NADK: variants seen among roughly 807,000 people sequenced by gnomAD.
NADK encodes the protein poly(P)/ATP NAD kinase.
NADK carries 22 observed loss-of-function variants against 49.8 expected under a neutral mutation model. The ratio of observed to expected loss-of-function variants is 0.44; its 90% CI spans 0.32 to 0.63. The LOEUF is 0.63. Ranked by LOEUF, NADK falls within the 30% of genes least tolerant of loss-of-function variation. The pLI, the probability that NADK is intolerant of heterozygous loss-of-function variation, is 0.06. For synonymous variants in NADK, 268 were observed against 253.7 expected (o/e 1.06, Z -0.54); for missense variants, 438 against 609.4 (o/e 0.72, Z 2.96).
At chr1:1,753,116 C>A in intron 11 of NADK, 56 bp from the exon 12 acceptor site, 1 of 1,554,516 alleles carries the variant, frequency 6.4e-7, no homozygotes, top group South Asian at 1.2e-5. Flanking sequence ...CCACCCCCGG[C>A]CAAGAACCCT....
intron 2 of NADK, among the ~76,000 whole-genome samples, chr1:1,764,907 A>C (rs1320077099): frequency 2.0e-5 from 3 of 152,220 alleles, no homozygotes; most frequent in Non-Finnish European, 4.4e-5. Flanking sequence ...TCTCAAAAAA[A>C]AGTTTCCTCT....
chr1:1,756,410 A>C (rs1645524136), intron 5 of NADK, 67 bp from the exon 6 acceptor site: 18 of 1,608,624 alleles, frequency 1.1e-5, no homozygotes, highest in Non-Finnish European at 8.5e-7. Context: ...CGCAGTGCGC[A>C]GACACCAATG....
chr1:1,755,202 C>T (rs1645474652), intron 7 of NADK, among the ~76,000 whole-genome samples, 172 bp downstream of exon 7: 1 of 152,228 alleles, frequency 6.6e-6, no homozygotes, highest in African/African-American at 2.4e-5. Context: ...TCTGCTGAAA[C>T]TTCTCAGTGT....
chr1:1,775,502 T>C (rs1278944220), intron 1 of NADK, among the ~76,000 whole-genome samples: 1 of 152,158 alleles, frequency 6.6e-6, no homozygotes, highest in African/African-American at 2.4e-5. Context: ...TGAGAAAGAC[T>C]TTCTGGAAAG....
At position 1,752,727 on chromosome 1, in the gene NADK, A is replaced by C; in HGVS notation, c.*177T>G. The C allele has an allele frequency of 1.4e-6, 1 of 708,464 alleles. No individual in the cohort carries two copies. The highest frequency in any genetic ancestry group is 2.2e-6 in the Non-Finnish European group (1 of 446,250). 43.9% of individuals were successfully genotyped at this position (708,464 alleles called of 1,614,324 possible). ...CTTCTTTAGAAATGCAAAAAAAGTC[A>C]GACATTTTAAAAAAACAGCTGATCT... On this transcript the variant is annotated 3_prime_UTR_variant, in exon 12 of 12. Transcript: ENST00000341426.
chr1:1,768,120 G>A (rs1032188831), intron 1 of NADK, among the ~76,000 whole-genome samples: 2 of 150,320 alleles, frequency 1.3e-5, no homozygotes, highest in African/African-American at 2.5e-5. Flanking sequence ...GCAGTGAGCC[G>A]AGATTGTGCC....
intron 3 of NADK, chr1:1,759,273 C>A: frequency 1.3e-6 from 2 of 1,543,178 alleles, no homozygotes; most frequent in Non-Finnish European, 1.7e-6. Context: ...CCCTTGCAGG[C>A]ACGCACGGCT....
Position 1,754,368 on chromosome 1 carries a change from C to T in NADK, c.859G>A (p.Val287Met). ...TAGGAGGAGGGGCCTCTGTCAATCA[C>T]CACCTCATTCAGGACCTGGAGGGGC... ...AMQYQVLNEV[V>M]IDRGPSSYLS... Residue 287 changes from valine (V) to methionine (M), a missense_variant, in exon 9 of 12, where the codon GTG becomes ATG. Physicochemically the swap from Val to Met is conservative, Grantham distance 21. Transcript: ENST00000341426. The surrounding 1 kb of genome is among the most constrained non-coding windows in gnomAD (Gnocchi z 4.3). 1 of 1,613,948 alleles carries T rather than the reference C, an allele frequency of 6.2e-7. No homozygotes were observed. Among genetic ancestry groups the T allele is most frequent in the Non-Finnish European group, 8.5e-7 (1 of 1,179,936 alleles).
chr1:1,755,486 G>A lies in NADK; in HGVS notation c.586-10C>T, dbSNP rs765543116. 7.5e-6 allele frequency: 12 copies of A among 1,608,848 alleles called. No homozygotes were observed. Among genetic ancestry groups the A allele is most frequent in the East Asian group, 2.2e-5 (1 of 44,856 alleles). ...CCGGAGGGACGCTGCCCTGTGAGCC[G>A]ACGGAGAGGTCACTCAGTGCCCACG... On this transcript the variant is annotated splice_polypyrimidine_tract_variant and intron_variant, in intron 6 of 11. Coordinates refer to ENST00000341426, the MANE Select transcript of NADK (RefSeq NM_023018.5).
chr1:1,754,285 G>A lies in NADK; in HGVS notation c.942C>T (p.Asp314=), dbSNP rs773337445. The A allele has an allele frequency of 8.1e-6, 13 of 1,613,630 alleles. No homozygotes were observed. The highest frequency in any genetic ancestry group is 4.5e-5 in the East Asian group (2 of 44,874). Residue 314 remains aspartate, a splice_region_variant and synonymous_variant, in exon 9 of 12, where the codon GAC becomes GAT. Coordinates refer to ENST00000341426, the MANE Select transcript of NADK (RefSeq NM_023018.5). The surrounding 1 kb of genome is among the most constrained non-coding windows in gnomAD (Gnocchi z 4.3). ...DGHLITTVQG[D]GVIVSTPTGS... is the part of the protein sequence containing the mutation. ...CCAGGACAGTGCTGCGGGCCTTACC[G>A]TCGCCCTGCACCGTGGTGATGAGGT...
intron 3 of NADK, chr1:1,758,744 CTCAGTTCAGCAGCAAAG>C (rs1346228157): frequency 1.3e-6 from 1 of 758,694 alleles, no homozygotes; most frequent in African/African-American, 1.9e-5. Context: ...AAAAAAAGTC[CTCAGTTCAGCAGCAAAG>C]AGGCCACACT....
Position 1,752,636 on chromosome 1 carries a change from G to GCCGCGCT in NADK, c.*261_*267dup. On this transcript the variant is annotated 3_prime_UTR_variant, in exon 12 of 12. Coordinates refer to ENST00000341426, the MANE Select transcript of NADK (RefSeq NM_023018.5). ...GGCATGGAAATTGCGGCAGCTGGAG[G>GCCGCGCT]CCGCGCTCCAGGGACCCACCGCGGG... 1 of 379,194 alleles carries GCCGCGCT rather than the reference G, an allele frequency of 2.6e-6. No individual in the cohort carries two copies. Among genetic ancestry groups the GCCGCGCT allele is most frequent in the Non-Finnish European group, 4.7e-6 (1 of 212,184 alleles). The allele number at this position is 379,194 out of a possible 1,614,324, so 23.5% of individuals were successfully genotyped here.
chr1:1,765,867 G>A (rs1027222640), intron 1 of NADK, among the ~76,000 whole-genome samples: 7 of 152,196 alleles, frequency 4.6e-5, no homozygotes, highest in Non-Finnish European at 8.8e-5. Flanking sequence ...TCGAGATCAT[G>A]CCATTGCACT....
Position 1,752,389 on chromosome 1 carries a change from C to G in NADK, c.*515G>C, listed in dbSNP as rs573482383. 1 of 153,528 alleles carries G rather than the reference C, an allele frequency of 6.5e-6. No individual in the cohort carries two copies. Among genetic ancestry groups the G allele is most frequent in the Admixed American group, 6.5e-5 (1 of 15,408 alleles). 9.5% of individuals were successfully genotyped at this position (153,528 alleles called of 1,614,324 possible). A position where few individuals can be genotyped will look rare whatever the true frequency, so the allele number is the denominator to read the frequency against. On this transcript the variant is annotated 3_prime_UTR_variant, in exon 12 of 12. Coordinates refer to ENST00000341426, the MANE Select transcript of NADK (RefSeq NM_023018.5). ...AACCCTCTCCAGAAACTGAGCAGAA[C>G]AAAACCGCCTTGCCAGCCACTGGCA...
Position 1,757,422 on chromosome 1 carries a change from A to G in NADK, c.264-112T>C, listed in dbSNP as rs1214268158. On this transcript the variant is annotated intron_variant, in intron 3 of 11. Transcript: ENST00000341426. The stretch of plus-strand genomic sequence containing the variant: ...CTTTAAAAAGGTGTTTTCACCTCCC[A>G]GGGAAACGTGCTCGGTGGCCACGGG... 20 of 982,000 alleles carry G rather than the reference A, an allele frequency of 2.0e-5. No homozygotes were observed. In the Admixed American group the frequency reaches 4.4e-4, roughly 22 times the overall value. The allele number at this position is 982,000 out of a possible 1,614,324, so 60.8% of individuals were successfully genotyped here. A position where few individuals can be genotyped will look rare whatever the true frequency, so the allele number is the denominator to read the frequency against.
At chr1:1,773,615 C>G (rs1278047794) in intron 1 of NADK, among the ~76,000 whole-genome samples, 1 of 148,968 alleles carries the variant, frequency 6.7e-6, no homozygotes, top group Non-Finnish European at 1.5e-5. Context: ...ATAAACAAAT[C>G]AAAATCACAA....
intron 3 of NADK, chr1:1,758,986 T>G (rs1645625405): frequency 1.5e-6 from 2 of 1,327,544 alleles, no homozygotes; most frequent in African/African-American, 3.0e-5. Context: ...TCACTCTGCT[T>G]GGCTCCGGCC....
At position 1,754,300 on chromosome 1, in the gene NADK, G is replaced by C. The variant is rs753955960; in HGVS notation, c.927C>G (p.Thr309=). 16 of 1,613,808 alleles carry C rather than the reference G, an allele frequency of 9.9e-6. No homozygotes were observed. The highest frequency in any genetic ancestry group is 1.4e-5 in the Non-Finnish European group (16 of 1,179,950). The change falls in exon 9 of 12, where the codon ACC becomes ACG. Residue 309 remains threonine, a synonymous_variant. Transcript: ENST00000341426. The surrounding 1 kb of genome is among the most constrained non-coding windows in gnomAD (Gnocchi z 4.3). ...VDVYLDGHLI[T]TVQGDGVIVS... is the part of the protein sequence containing the mutation. ...GGGCCTTACCGTCGCCCTGCACCGT[G>C]GTGATGAGGTGTCCGTCCAGGTAGA...
At chr1:1,770,431 A>T (rs1260129745) in intron 1 of NADK, among the ~76,000 whole-genome samples, 3 of 152,228 alleles carry the variant, frequency 2.0e-5, no homozygotes, top group Admixed American at 6.5e-5. Context: ...TATGTAGAAA[A>T]ACAAATAAGT....
Sources: gnomAD v4.1 joint callset for allele counts (sites outside exome capture counted in the v4.1 genomes callset) on GRCh38, gnomAD v4.1.1 for gene constraint, Gnocchi (gnomAD v3.1) non-coding constraint, MANE v1.5 for transcripts, NCBI Gene and HGNC (gene_info 2026-07-23, HGNC 2026-07-21) for gene names.